Variants in POLQ observed in about 807,000 individuals in gnomAD.
The protein encoded by POLQ is DNA polymerase theta.
In POLQ, 233 loss-of-function variants were observed where a neutral mutation model predicts 259.2. The ratio of observed to expected loss-of-function variants is 0.90; its 90% CI spans 0.81 to 1.00. POLQ has a LOEUF of 1.00. Among genes scored for constraint, POLQ ranks in the 50% least tolerant of loss-of-function variants. The pLI, the probability that POLQ is intolerant of heterozygous loss-of-function variation, is 0.00. For synonymous variants in POLQ, 1,025 were observed against 1,048.8 expected (o/e 0.98, Z 0.44); for missense variants, 2,871 against 3,051.6 (o/e 0.94, Z 1.39).
chr3:121,447,273 C>A (rs547981094), intron 26 of POLQ, among the ~76,000 whole-genome samples: 1 of 149,918 alleles, frequency 6.7e-6, no homozygotes, highest in Admixed American at 6.7e-5. Flanking sequence ...TGGGTTCAAG[C>A]GATTCTTTCA....
At chr3:121,503,663 A>G (rs528660253) in intron 12 of POLQ, among the ~76,000 whole-genome samples, 9 of 152,352 alleles carry the variant, frequency 5.9e-5, no homozygotes, top group African/African-American at 2.2e-4. Flanking sequence ...TCCTGCAGAT[A>G]ACAAAATCCA....
chr3:121,529,800 A>G lies in POLQ; in HGVS notation c.961-8T>C. Reference sequence around the variant, plus strand: ...AACATGGTCCTCATCTCCCTAAAACAGAAAGATAAATAACCACTTTAGTGG... The same window carrying G: ...AACATGGTCCTCATCTCCCTAAAACGGAAAGATAAATAACCACTTTAGTGG... On this transcript the variant is annotated splice_polypyrimidine_tract_variant and splice_region_variant and intron_variant, in intron 6 of 29. Coordinates refer to ENST00000264233, the MANE Select transcript of POLQ (RefSeq NM_199420.4). The G allele has an allele frequency of 6.3e-7, 1 of 1,597,212 alleles. No homozygotes were observed. The highest frequency in any genetic ancestry group is 8.5e-7 in the Non-Finnish European group (1 of 1,173,288).
intron 25 of POLQ, among the ~76,000 whole-genome samples, chr3:121,458,924 G>C (rs973947137): frequency 6.6e-6 from 1 of 152,200 alleles, no homozygotes; most frequent in African/African-American, 2.4e-5. Context: ...TGAGGAACTA[G>C]AAATGTAAAT....
rs374636521 is a variant in POLQ, at chr3:121,529,636, A to G, written c.1108+9T>C. 5.0e-5 allele frequency: 81 copies of G among 1,611,048 alleles called. No individual in the cohort carries two copies. The highest frequency in any genetic ancestry group is 1.7e-5 in the Admixed American group (1 of 59,814). On this transcript the variant is annotated intron_variant, in intron 7 of 29. Transcript: ENST00000264233. The stretch of plus-strand genomic sequence containing the variant: ...AGCATGAAGGCTTTCCTTTCCATCC[A>G]TAACTCACCCTCAGCTTGATGATGT...
Position 121,488,968 on chromosome 3 carries a change from A to G in POLQ, c.3963T>C (p.Ser1321=), listed in dbSNP as rs2048038989. ...LGLVLCDFED[S]FYLDTQSEKI... ...TCTCTGACTGAGTATCCAGATAGAA[A>G]CTATCTTCAAAATCACAGAGGACTA... The change falls in exon 16 of 30, where the codon AGT becomes AGC. Residue 1321 remains serine (S), a synonymous_variant. Transcript: ENST00000264233. 1 of 1,613,424 alleles carries G rather than the reference A, an allele frequency of 6.2e-7. No homozygotes were observed. The highest frequency in any genetic ancestry group is 1.3e-5 in the African/African-American group (1 of 74,930).
intron 18 of POLQ, among the ~76,000 whole-genome samples, chr3:121,482,855 A>T (rs1320795122): frequency 2.0e-5 from 3 of 152,226 alleles, no homozygotes; most frequent in Non-Finnish European, 1.5e-5. Flanking sequence ...TCTGATGTAA[A>T]AGTTAACATG....
chr3:121,461,543 C>T (rs552576696), intron 24 of POLQ, among the ~76,000 whole-genome samples: 15 of 151,078 alleles, frequency 9.9e-5, no homozygotes, highest in African/African-American at 2.9e-4. Context: ...CCCAGCTAGT[C>T]GGGAGGCTGA....
intron 22 of POLQ, among the ~76,000 whole-genome samples, chr3:121,469,783 T>C (rs918686609): frequency 2.2e-4 from 33 of 152,230 alleles, no homozygotes; most frequent in African/African-American, 8.0e-4. Context: ...ATGAAGTATA[T>C]TCATGAAATG....
intron 5 of POLQ, among the ~76,000 whole-genome samples, chr3:121,536,535 GAAACTAGATTTTTAAAAATCTA>G (rs2048452961): frequency 2.6e-5 from 4 of 152,054 alleles, no homozygotes; most frequent in Non-Finnish European, 5.9e-5. Flanking sequence ...GACAAATACA[GAAACTAGATTTTTAAAAATCTA>G]TAATAAAAAT....
intron 22 of POLQ, 53 bp downstream of exon 22, chr3:121,471,937 A>C: frequency 9.5e-7 from 1 of 1,054,936 alleles, no homozygotes; most frequent in Non-Finnish European, 1.3e-6. Flanking sequence ...TTACATATGA[A>C]AATGCTTTTC....
chr3:121,479,698 C>T (rs2047956031), intron 19 of POLQ, among the ~76,000 whole-genome samples: 1 of 152,068 alleles, frequency 6.6e-6, no homozygotes, highest in Non-Finnish European at 1.5e-5. Flanking sequence ...AGTGATCCAC[C>T]CACCTCAGCC....
chr3:121,514,339 A>G, intron 9 of POLQ, among the ~76,000 whole-genome samples: 1 of 149,878 alleles, frequency 6.7e-6, no homozygotes, highest in South Asian at 2.1e-4. Flanking sequence ...TTAAAAAAAA[A>G]AACAACAACA....
Position 121,544,885 on chromosome 3 carries a change from G to A in POLQ, c.185C>T (p.Pro62Leu). 1 of 1,603,638 alleles carries A rather than the reference G, an allele frequency of 6.2e-7. No homozygotes were observed. The highest frequency in any genetic ancestry group is 8.5e-7 in the Non-Finnish European group (1 of 1,173,752). Residue 62 changes from proline (P) to leucine (L), a missense_variant, in exon 2 of 30, where the codon CCT becomes CTT. By Grantham distance (98) the Pro-to-Leu change is moderately conservative (BLOSUM62 -3). Around this residue, in one of 3 missense-constraint regions of POLQ, gnomAD observed 783 missense variants for 906.2 expected, o/e 0.86. Coordinates refer to ENST00000264233, the MANE Select transcript of POLQ (RefSeq NM_199420.4). ...AAAGECKPTV[P>L]DYERDKLLLA... ...TAGTAGCTTGTCTCTTTCGTAGTCA[G>A]GAACTGTAGGCTTGCATTCTCCTTT...
At chr3:121,480,164 G>T (rs992031683) in intron 19 of POLQ, among the ~76,000 whole-genome samples, 33 of 150,988 alleles carry the variant, frequency 2.2e-4, no homozygotes, top group African/African-American at 8.0e-4. Context: ...AGAAAAAAAA[G>T]ATTTGGAAAA....
At chr3:121,539,898 T>C (rs2048478816) in intron 3 of POLQ, among the ~76,000 whole-genome samples, 1 of 152,120 alleles carries the variant, frequency 6.6e-6, no homozygotes, top group Non-Finnish European at 1.5e-5. Flanking sequence ...AGCACTAACA[T>C]TTTTAATCTA....
intron 12 of POLQ, 109 bp from the exon 13 acceptor site, chr3:121,498,779 T>C: frequency 1.4e-6 from 1 of 735,046 alleles, no homozygotes; most frequent in Non-Finnish European, 2.2e-6. Context: ...TATGTGCCTG[T>C]AGTCCTAGCT....
rs370053512 is a variant in POLQ, at chr3:121,496,861, C to T, written c.2225G>A (p.Gly742Glu). 1.2e-6 allele frequency: 2 copies of T among 1,613,750 alleles called. No homozygotes were observed. Among genetic ancestry groups the T allele is most frequent in the South Asian group, 1.1e-5 (1 of 91,000 alleles). The part of the protein sequence containing the change: ...VPLREINQKY[G>E]CNRGQIQSLQ... ...AGATTGAATCTGCCCACGATTGCAT[C>T]CATATTTCTGATTTATTTCCCTTAA... The change falls in exon 14 of 30, where the codon GGA (glycine) becomes GAA (glutamate). Residue 742 changes from glycine to glutamate, a missense_variant. Physicochemically the swap from Gly to Glu is moderately conservative, Grantham distance 98 (BLOSUM62 -2). Coordinates refer to ENST00000264233, the MANE Select transcript of POLQ (RefSeq NM_199420.4).
At chr3:121,466,328 T>G (rs922187727) in intron 24 of POLQ, among the ~76,000 whole-genome samples, 2 of 147,768 alleles carry the variant, frequency 1.4e-5, no homozygotes, top group Non-Finnish European at 3.0e-5. Context: ...AAAACTCTGT[T>G]GCACTTCAGC....
At position 121,488,107 on chromosome 3, in the gene POLQ, T is replaced by C; in HGVS notation, c.4824A>G (p.Gly1608=). Residue 1608 remains glycine (G), a synonymous_variant, in exon 16 of 30, where the codon GGA becomes GGG. Coordinates refer to ENST00000264233, the MANE Select transcript of POLQ (RefSeq NM_199420.4). ...TTTCAGCCCTTTCATCTTGATCTCC[T>C]CCATCTTGATCACCTTGGTGGTGCT... is the stretch of plus-strand genomic sequence containing the variant. ...LDEHHQGDQD[G]GDQDERAEKS... 6.2e-7 allele frequency: 1 copy of C among 1,613,706 alleles called. No individual in the cohort carries two copies.
Sources: gnomAD v4.1 joint callset for allele counts (sites outside exome capture counted in the v4.1 genomes callset) on GRCh38, gnomAD v4.1.1 for gene constraint, gnomAD v4.1.1 regional missense constraint, MANE v1.5 for transcripts, NCBI Gene and HGNC (gene_info 2026-07-23, HGNC 2026-07-21) for gene names.